The following PPP2R2A variants were observed in gnomAD, a reference collection of about 807,000 sequenced individuals.
PPP2R2A encodes protein phosphatase 2 regulatory subunit Balpha, also known as serine/threonine-protein phosphatase 2A 55 kDa regulatory subunit B alpha isoform.
In PPP2R2A, 9 loss-of-function variants were observed where a neutral mutation model predicts 53.2. That is an observed-to-expected ratio of 0.17 (90% CI 0.10 to 0.30). PPP2R2A has a LOEUF of 0.30. PPP2R2A is among the 10% of genes least tolerant of loss of function. The probability of loss-of-function intolerance (pLI) is 1.00; values close to 1 mark genes in which losing one functional copy is unlikely to be tolerated. For missense variants in PPP2R2A, 235 were observed against 534.6 expected (o/e 0.44, Z 5.53); for synonymous variants, 169 against 174.2 (o/e 0.97, Z 0.23).
chr8:26,366,259 G>C, intron 8 of PPP2R2A, 56 bp from the exon 9 acceptor site: 1 of 1,390,306 alleles, frequency 7.2e-7, no homozygotes, highest in Non-Finnish European at 1.0e-6. Flanking sequence ...TAAAGATATG[G>C]ACTTGTTAAA....
intron 2 of PPP2R2A, among the ~76,000 whole-genome samples, chr8:26,298,243 A>C (rs1228735868): frequency 1.3e-5 from 2 of 152,128 alleles, no homozygotes; most frequent in Non-Finnish European, 2.9e-5. Context: ...TTGGAAATCT[A>C]ATAATGTATT....
intron 3 of PPP2R2A, among the ~76,000 whole-genome samples, chr8:26,345,769 A>C (rs1483378128): frequency 6.6e-6 from 1 of 152,018 alleles, no homozygotes; most frequent in African/African-American, 2.4e-5. Context: ...AAAATACATT[A>C]TTTCATTGGA....
At chr8:26,359,114 C>CA (rs2117397390) in intron 4 of PPP2R2A, 1 of 300,106 alleles carries the variant, frequency 3.3e-6, no homozygotes, top group Non-Finnish European at 7.0e-6. Flanking sequence ...CCTAAAAACC[C>CA]ATGGTCCCAG....
chr8:26,304,119 T>C (rs1801909588), intron 2 of PPP2R2A, among the ~76,000 whole-genome samples: 1 of 152,242 alleles, frequency 6.6e-6, no homozygotes, highest in African/African-American at 2.4e-5. Context: ...GGATTCTAAA[T>C]TTGGAAGAAT....
Position 26,334,398 on chromosome 8 carries a change from C to A in PPP2R2A, c.83-4492C>A, listed in dbSNP as rs560518445. ...CTTTTAAAAAACATGATACACAGTG[C>A]ATTGTTTAAAGGTGCAGAATTCTCA... is the stretch of plus-strand genomic sequence containing the variant. On this transcript the variant is annotated intron_variant, in intron 2 of 9. Transcript: ENST00000380737. 3.3e-5 allele frequency among the ~76,000 whole-genome samples: 5 copies of A among 152,236 alleles called. No homozygotes were observed. In the South Asian group the frequency reaches 8.3e-4, roughly 25 times the overall value.
intron 2 of PPP2R2A, among the ~76,000 whole-genome samples, chr8:26,314,888 T>TCCCCCCCC (rs3070128): frequency 9.1e-5 from 6 of 65,794 alleles, no homozygotes; most frequent in Admixed American, 2.1e-4. Flanking sequence ...TTTTTTCCCT[T>TCCCCCCCC]CCCCCCCCCC....
intron 4 of PPP2R2A, chr8:26,358,890 T>G (rs1258203275): frequency 2.2e-6 from 1 of 455,868 alleles, no homozygotes; most frequent in Admixed American, 2.3e-5. Context: ...GGAGTATAAC[T>G]TATTTCTCCC....
In PPP2R2A at chr8:26,293,676, A is replaced by G. The variant is rs1413011339; in HGVS notation, c.18A>G (p.Gly6=). The part of the protein sequence containing the change: MAGAG[G]GNDIQWCFSQ... Reference sequence around the variant, plus strand: ...GTTTTCTTTTTCCAGGAGCTGGAGGAGGGAATGATATTCAGTGGTGTTTTT... The same window carrying G: ...GTTTTCTTTTTCCAGGAGCTGGAGGGGGGAATGATATTCAGTGGTGTTTTT... Residue 6 remains glycine, a synonymous_variant, in exon 2 of 10, where the codon GGA becomes GGG. Transcript: ENST00000380737. The G allele has an allele frequency of 6.2e-7, 1 of 1,612,196 alleles. No homozygotes were observed. The highest frequency in any genetic ancestry group is 8.5e-7 in the Non-Finnish European group (1 of 1,179,298).
intron 2 of PPP2R2A, among the ~76,000 whole-genome samples, chr8:26,313,978 G>A (rs1329613495): frequency 2.0e-5 from 3 of 152,086 alleles, no homozygotes; most frequent in Non-Finnish European, 4.4e-5. Context: ...TTGTACATAC[G>A]GGCTGTATAA....
chr8:26,304,309 C>G (rs1179682334), intron 2 of PPP2R2A, among the ~76,000 whole-genome samples: 3 of 150,324 alleles, frequency 2.0e-5, no homozygotes, highest in Admixed American at 2.0e-4. Context: ...TAAAAACTGT[C>G]TCTCATGGGT....
At chr8:26,358,859 G>GATAC (rs1418245503) in intron 4 of PPP2R2A, 2 of 452,882 alleles carry the variant, frequency 4.4e-6, no homozygotes, top group South Asian at 3.1e-5. Flanking sequence ...ATAAGACGTG[G>GATAC]ATACATACTC....
chr8:26,325,284 G>A (rs753167916), intron 2 of PPP2R2A, among the ~76,000 whole-genome samples: 3 of 151,886 alleles, frequency 2.0e-5, no homozygotes, highest in Admixed American at 6.6e-5. Context: ...TGCTATTCTC[G>A]TGATAGTAAG....
intron 1 of PPP2R2A, chr8:26,292,429 C>T: frequency 1.0e-6 from 1 of 985,450 alleles, no homozygotes; most frequent in Non-Finnish European, 1.2e-6. Flanking sequence ...CCGAAGAGTG[C>T]AAGGCCTTTC....
chr8:26,345,207 A>G (rs1446506380), intron 3 of PPP2R2A, among the ~76,000 whole-genome samples: 3 of 152,200 alleles, frequency 2.0e-5, no homozygotes, highest in Non-Finnish European at 2.9e-5. Flanking sequence ...ACAACTCCAA[A>G]TCTATGAAAT....
At chr8:26,322,862 G>A (rs1802910507) in intron 2 of PPP2R2A, among the ~76,000 whole-genome samples, 1 of 152,184 alleles carries the variant, frequency 6.6e-6, no homozygotes, top group African/African-American at 2.4e-5. Context: ...ACAGGAAGCA[G>A]CAGTTTTTAA....
chr8:26,366,167 G>A, intron 8 of PPP2R2A, 148 bp from the exon 9 acceptor site: 3 of 625,368 alleles, frequency 4.8e-6, no homozygotes, highest in South Asian at 4.3e-5. Context: ...AGGACAAAAT[G>A]CCTTTATTGT....
intron 2 of PPP2R2A, among the ~76,000 whole-genome samples, chr8:26,336,719 A>T (rs1168824854): frequency 2.0e-5 from 3 of 152,016 alleles, no homozygotes; most frequent in Non-Finnish European, 4.4e-5. Flanking sequence ...TCTACAAAAA[A>T]ATTTTTTAAA....
chr8:26,361,818 G>A (rs1338995873), intron 6 of PPP2R2A, among the ~76,000 whole-genome samples: 2 of 151,446 alleles, frequency 1.3e-5, no homozygotes, highest in African/African-American at 4.9e-5. Flanking sequence ...AACATTAGCC[G>A]GGCATGGTGG....
In PPP2R2A at chr8:26,370,599, T is replaced by C. The variant is rs1227703209; in HGVS notation, c.*186T>C. On this transcript the variant is annotated 3_prime_UTR_variant, in exon 10 of 10. Coordinates refer to ENST00000380737, the MANE Select transcript of PPP2R2A (RefSeq NM_002717.4). The surrounding 1 kb of genome is among the most constrained non-coding windows in gnomAD (Gnocchi z 6.1). ...CTGTGGATTCATCACTGTGGTGTTC[T>C]CCATGTCTGCTAGCCATTTAGGTAA... is the stretch of plus-strand genomic sequence containing the variant. 2 of 688,330 alleles carry C rather than the reference T, an allele frequency of 2.9e-6. No homozygotes were observed. The highest frequency in any genetic ancestry group is 1.8e-5 in the African/African-American group (1 of 55,370). 42.6% of individuals were successfully genotyped at this position (688,330 alleles called of 1,614,324 possible).
Sources: allele counts gnomAD v4.1 joint callset (sites outside exome capture counted in the v4.1 genomes callset), GRCh38; gene constraint gnomAD v4.1.1; non-coding constraint Gnocchi (gnomAD v3.1); transcripts MANE v1.5; gene names NCBI Gene and HGNC (gene_info 2026-07-23, HGNC 2026-07-21).